GYS2: variants seen among roughly 807,000 people sequenced by gnomAD.
GYS2 encodes glycogen [starch] synthase, liver.
In GYS2, 80 loss-of-function variants were observed where a neutral mutation model predicts 85.6. The ratio of observed to expected loss-of-function variants is 0.93; its 90% CI spans 0.78 to 1.13. The LOEUF (loss-of-function observed/expected upper bound fraction) is 1.13. Ranked by LOEUF, GYS2 falls within the 50% of genes most tolerant of loss-of-function variation. The pLI, the probability that GYS2 is intolerant of heterozygous loss-of-function variation, is 0.00. For missense variants in GYS2, 881 were observed against 854.9 expected (o/e 1.03, Z -0.38); for synonymous variants, 328 against 300.7 (o/e 1.09, Z -0.94).
intron 5 of GYS2, among the ~76,000 whole-genome samples, chr12:21,566,518 G>A (rs1005853862): frequency 1.2e-4 from 18 of 152,180 alleles, no homozygotes; most frequent in African/African-American, 4.1e-4. Flanking sequence ...CAGTGTTTAT[G>A]GTTTCTGGTA....
intron 15 of GYS2, among the ~76,000 whole-genome samples, chr12:21,538,186 A>G (rs1591774177): frequency 6.6e-6 from 1 of 152,366 alleles, no homozygotes; most frequent in East Asian, 1.9e-4. Context: ...TCTGAATGCT[A>G]GAATCATAAA....
chr12:21,594,716 T>C (rs1402190076), intron 1 of GYS2, among the ~76,000 whole-genome samples: 1 of 152,180 alleles, frequency 6.6e-6, no homozygotes, highest in Non-Finnish European at 1.5e-5. Flanking sequence ...AAAATAGCAA[T>C]GTCATTTTTC....
At chr12:21,568,711 C>T (rs927413608) in intron 5 of GYS2, among the ~76,000 whole-genome samples, 154 bp downstream of exon 5, 2 of 152,138 alleles carry the variant, frequency 1.3e-5, no homozygotes, top group African/African-American at 4.8e-5. Flanking sequence ...TCCCTGCAAA[C>T]CTACTGAAAT....
At position 21,604,711 on chromosome 12, in the gene GYS2, T is replaced by C. The variant is rs1388457491; in HGVS notation, c.-119A>G. ...GGTAGAGTTACCAGGCTTTGGTAGC[T>C]TCTCTTGGGAATAAACTAGTAGCAT... On this transcript the variant is annotated 5_prime_UTR_variant, in exon 1 of 16. Transcript: ENST00000261195. The C allele has an allele frequency of 7.1e-6, 11 of 1,551,832 alleles. No homozygotes were observed.
At chr12:21,584,180 T>C (rs1944546675) in intron 1 of GYS2, among the ~76,000 whole-genome samples, 1 of 152,196 alleles carries the variant, frequency 6.6e-6, no homozygotes, top group Non-Finnish European at 1.5e-5. Context: ...TTGTGCACTT[T>C]GCACAGAAGG....
At chr12:21,540,708 A>T (rs1488495137) in intron 13 of GYS2, 135 bp from the exon 14 acceptor site, 8 of 753,624 alleles carry the variant, frequency 1.1e-5, no homozygotes, top group Non-Finnish European at 1.8e-5. Flanking sequence ...AATTACCCCC[A>T]CTTTATTCTT....
At chr12:21,556,984 A>G (rs1944188077) in intron 11 of GYS2, among the ~76,000 whole-genome samples, 2 of 152,260 alleles carry the variant, frequency 1.3e-5, no homozygotes, top group South Asian at 4.1e-4. Context: ...AGGAAAAAAG[A>G]TAAGGCAAGT....
rs751691064 is a variant in GYS2, at chr12:21,563,013, T to C, written c.967A>G (p.Thr323Ala). 2 of 1,612,302 alleles carry C rather than the reference T, an allele frequency of 1.2e-6. No homozygotes were observed. The highest frequency in any genetic ancestry group is 1.7e-4 in the Middle Eastern group (1 of 6,058). ...CTCCCAGCAATGAAAAGGAACAAAG[T>C]CTTTTCAAGATCAAAGTCGAGATGA... ...YGHLDFDLEK[T>A]LFLFIAGRYE... Residue 323 changes from threonine to alanine, a missense_variant, in exon 7 of 16, where the codon ACT becomes GCT. By Grantham distance (58) the Thr-to-Ala change is moderately conservative (BLOSUM62 0). Coordinates refer to ENST00000261195, the MANE Select transcript of GYS2 (RefSeq NM_021957.4).
chr12:21,574,641 T>G (rs919545663), intron 3 of GYS2, among the ~76,000 whole-genome samples: 5 of 152,082 alleles, frequency 3.3e-5, no homozygotes, highest in African/African-American at 1.2e-4. Flanking sequence ...AAGTAGGCAC[T>G]CAAAAAATAT....
intron 12 of GYS2, among the ~76,000 whole-genome samples, chr12:21,543,897 T>C (rs1403451641): frequency 6.6e-6 from 1 of 152,182 alleles, no homozygotes; most frequent in Non-Finnish European, 1.5e-5. Context: ...GAAATATTCT[T>C]ATACACATAT....
In GYS2 at chr12:21,575,950, T is replaced by C. The variant is rs757714177; in HGVS notation, c.411A>G (p.Ala137=). ...CATGATAAGGAATGCCGACACTGCA[T>C]GCTTCCCAGAGGTCACCCTTCCACC... ...LDRWKGDLWE[A]CSVGIPYHDR... Residue 137 remains alanine, a synonymous_variant, in exon 3 of 16, where the codon GCA becomes GCG. Transcript: ENST00000261195. The C allele has an allele frequency of 6.2e-7, 1 of 1,613,918 alleles. No individual in the cohort carries two copies. The highest frequency in any genetic ancestry group is 2.2e-5 in the East Asian group (1 of 44,868).
rs960646251 is a variant in GYS2, at chr12:21,561,674, G to GTA, written c.1063-1184_1063-1183dup. Among the ~76,000 whole-genome samples, 182 of 152,216 alleles carry GTA rather than the reference G, an allele frequency of 1.2e-3. 1 individual carries two copies. The highest frequency in any genetic ancestry group is 4.2e-3 in the African/African-American group (176 of 41,538). ...TTTATTAATAATGTCCCTAAAGATT[G>GTA]TATATGTGATATAGTTGTGAGTCCA... On this transcript the variant is annotated intron_variant, in intron 7 of 15. Coordinates refer to ENST00000261195, the MANE Select transcript of GYS2 (RefSeq NM_021957.4).
chr12:21,588,906 G>C (rs1944603381), intron 1 of GYS2, among the ~76,000 whole-genome samples: 1 of 152,226 alleles, frequency 6.6e-6, no homozygotes, highest in Non-Finnish European at 1.5e-5. Flanking sequence ...TCTTTAAAGT[G>C]TGGGAGTCAC....
intron 1 of GYS2, among the ~76,000 whole-genome samples, chr12:21,595,319 A>G (rs1387529702): frequency 1.3e-5 from 2 of 152,194 alleles, no homozygotes. Flanking sequence ...AGGACCCAGG[A>G]GACACCCCAA....
At chr12:21,586,614 C>T (rs990779440) in intron 1 of GYS2, among the ~76,000 whole-genome samples, 1 of 152,008 alleles carries the variant, frequency 6.6e-6, no homozygotes, top group Non-Finnish European at 1.5e-5. Flanking sequence ...AAATTAAAAC[C>T]ACCATATGAT....
At chr12:21,563,408 A>G (rs1449540165) in intron 5 of GYS2, 63 bp from the exon 6 acceptor site, 1 of 854,218 alleles carries the variant, frequency 1.2e-6, no homozygotes, top group East Asian at 2.4e-5. Flanking sequence ...CATTGTAGAA[A>G]AAAGTATCTT....
chr12:21,554,878 C>A (rs192322568), intron 11 of GYS2, among the ~76,000 whole-genome samples: 5 of 152,278 alleles, frequency 3.3e-5, no homozygotes, highest in Non-Finnish European at 7.3e-5. Flanking sequence ...AAACACGGAT[C>A]AGCAAGGCAT....
chr12:21,583,346 G>A (rs1436644281), intron 1 of GYS2, among the ~76,000 whole-genome samples: 1 of 152,200 alleles, frequency 6.6e-6, no homozygotes, highest in Admixed American at 6.5e-5. Flanking sequence ...TTACAACCAA[G>A]AAATAGGCAC....
chr12:21,573,167 G>A (rs1029220626), intron 4 of GYS2, among the ~76,000 whole-genome samples: 2 of 152,146 alleles, frequency 1.3e-5, no homozygotes, highest in Non-Finnish European at 2.9e-5. Context: ...ACGTTCTTGC[G>A]CTCTAAGTGT....
Sources: gnomAD v4.1 joint callset for allele counts (sites outside exome capture counted in the v4.1 genomes callset) on GRCh38, gnomAD v4.1.1 for gene constraint, MANE v1.5 for transcripts, NCBI Gene and HGNC (gene_info 2026-07-23, HGNC 2026-07-21) for gene names.